SSH1: variants seen among roughly 807,000 people sequenced by gnomAD.
SSH1 encodes slingshot protein phosphatase 1.
Under a neutral mutation model 79.7 loss-of-function variants are expected in SSH1, and 43 were observed. The ratio of observed to expected loss-of-function variants is 0.54; its 90% confidence interval spans 0.42 to 0.70. The LOEUF is 0.70. Ranked by LOEUF, SSH1 falls within the 30% of genes least tolerant of loss-of-function variation. The pLI, the probability that SSH1 is intolerant of heterozygous loss-of-function variation, is 0.00. For missense variants in SSH1, 1,206 were observed against 1,358.8 expected (o/e 0.89, Z 1.77); for synonymous variants, 599 against 538.3 (o/e 1.11, Z -1.56).
chr12:108,808,328 C>T lies in SSH1; in HGVS notation c.537-501G>A, dbSNP rs185308688. Among the ~76,000 whole-genome samples the T allele has an allele frequency of 3.3e-3, 501 of 152,324 alleles. 2 individuals are homozygous for T. The highest frequency in any genetic ancestry group is 6.8e-3 in the Middle Eastern group (2 of 294). Reference sequence around the variant, plus strand: ...TGCATATAGCCTGAAACATTCAGCCCGCCAGGACACGGAGCTAGTCCTTGG... The same window carrying T: ...TGCATATAGCCTGAAACATTCAGCCTGCCAGGACACGGAGCTAGTCCTTGG... On this transcript the variant is annotated intron_variant, in intron 7 of 14. Coordinates refer to ENST00000326495, the MANE Select transcript of SSH1 (RefSeq NM_018984.4).
chr12:108,844,477 C>T (rs1280409527), intron 2 of SSH1, among the ~76,000 whole-genome samples: 1 of 152,146 alleles, frequency 6.6e-6, no homozygotes, highest in Non-Finnish European at 1.5e-5. Flanking sequence ...CCAGGCACCC[C>T]TTACCATCCC....
chr12:108,835,115 C>T (rs911442993), intron 2 of SSH1, among the ~76,000 whole-genome samples: 1 of 152,144 alleles, frequency 6.6e-6, no homozygotes, highest in African/African-American at 2.4e-5. Flanking sequence ...GAGAGCTAGG[C>T]CTATGACTTC....
At chr12:108,824,443 A>T (rs1339552129) in intron 2 of SSH1, among the ~76,000 whole-genome samples, 4 of 151,332 alleles carry the variant, frequency 2.6e-5, no homozygotes, top group Non-Finnish European at 4.4e-5. Context: ...CGACAGAGCA[A>T]GACTGTGTCT....
At chr12:108,812,055 G>T (rs968716889) in intron 5 of SSH1, among the ~76,000 whole-genome samples, 4 of 152,084 alleles carry the variant, frequency 2.6e-5, no homozygotes, top group Non-Finnish European at 5.9e-5. Flanking sequence ...TGGGGCCTCT[G>T]GGGATCACAG....
rs559585945 is a variant in SSH1 at position 108,842,724 on chromosome 12, G to A, written c.110+9914C>T. On this transcript the variant is annotated intron_variant, in intron 2 of 14. Coordinates refer to ENST00000326495, the MANE Select transcript of SSH1 (RefSeq NM_018984.4). The stretch of plus-strand genomic sequence containing the variant: ...CTCCCAGTGTGGGTTCTGATGCATA[G>A]GGAGGAGGAAAAGACAGTGCTTGGA... 5.3e-5 allele frequency among the ~76,000 whole-genome samples: 8 copies of A among 151,536 alleles called. No homozygotes were observed. In the South Asian group the frequency reaches 1.7e-3, roughly 31 times the overall value.
At position 108,807,937 on chromosome 12, in the gene SSH1, G is replaced by T; in HGVS notation, c.537-110C>A. On this transcript the variant is annotated intron_variant, in intron 7 of 14. Coordinates refer to ENST00000326495, the MANE Select transcript of SSH1 (RefSeq NM_018984.4). This position sits in a 1 kb window ranked among gnomAD's most constrained non-coding sequence, Gnocchi z 5.2. ...GGAAGGGAAGGGCAATGATTGATTG[G>T]TTGATTATTTCTTTTTGGGACAGAG... is the stretch of plus-strand genomic sequence containing the variant. 2 of 980,470 alleles carry T rather than the reference G, an allele frequency of 2.0e-6. No homozygotes were observed. The highest frequency in any genetic ancestry group is 3.1e-6 in the Non-Finnish European group (2 of 635,120). 60.7% of individuals were successfully genotyped at this position (980,470 alleles called of 1,614,324 possible).
Position 108,802,315 on chromosome 12 carries a change from G to A in SSH1, c.1001+7C>T. Reference sequence around the variant, plus strand: ...AGGACAGGGAAAGACAAGGGGAGGAGACTCACCCTGAGCCCTGCAGTTCCT... The same window carrying A: ...AGGACAGGGAAAGACAAGGGGAGGAAACTCACCCTGAGCCCTGCAGTTCCT... On this transcript the variant is annotated splice_region_variant and intron_variant, in intron 11 of 14. Coordinates refer to ENST00000326495, the MANE Select transcript of SSH1 (RefSeq NM_018984.4). The A allele has an allele frequency of 3.1e-6, 5 of 1,613,416 alleles. No individual in the cohort carries two copies. Among genetic ancestry groups the A allele is most frequent in the Non-Finnish European group, 4.2e-6 (5 of 1,179,458 alleles).
chr12:108,852,254 T>A (rs995392087), intron 2 of SSH1, among the ~76,000 whole-genome samples: 1 of 150,528 alleles, frequency 6.6e-6, no homozygotes, highest in Non-Finnish European at 1.5e-5. Context: ...TTTTTTTTTT[T>A]AAGACGGAGT....
Position 108,796,650 on chromosome 12 carries a change from A to G in SSH1, c.1349+2350T>C, listed in dbSNP as rs373355128. ...TTTGGCTATCGTGGATAATGTTGCTATAAGCACTAATGTACAAATATCTCT... is the reference window on the plus strand; with the variant it reads ...TTTGGCTATCGTGGATAATGTTGCTGTAAGCACTAATGTACAAATATCTCT... On this transcript the variant is annotated intron_variant, in intron 13 of 14. Coordinates refer to ENST00000326495, the MANE Select transcript of SSH1 (RefSeq NM_018984.4). Among the ~76,000 whole-genome samples, 20 of 152,294 alleles carry G rather than the reference A, an allele frequency of 1.3e-4. No homozygotes were observed. The East Asian group carries it at 2.3e-3, about 18-fold the overall frequency.
Position 108,807,174 on chromosome 12 carries a change from G to A in SSH1, c.731+459C>T, listed in dbSNP as rs996753730. Among the ~76,000 whole-genome samples, 3 of 152,218 alleles carry A rather than the reference G, an allele frequency of 2.0e-5. No homozygotes were observed. Among genetic ancestry groups the A allele is most frequent in the African/African-American group, 7.2e-5 (3 of 41,464 alleles). ...GGTCATGTGGTTCACCATGGCTGCT[G>A]CTAAGGCAGGCTGCCCTCACCAGTT... On this transcript the variant is annotated intron_variant, in intron 8 of 14. Coordinates refer to ENST00000326495, the MANE Select transcript of SSH1 (RefSeq NM_018984.4). This position sits in a 1 kb window ranked among gnomAD's most constrained non-coding sequence, Gnocchi z 5.2.
chr12:108,821,178 G>C (rs2038102982), intron 3 of SSH1, among the ~76,000 whole-genome samples: 1 of 151,782 alleles, frequency 6.6e-6, no homozygotes, highest in African/African-American at 2.4e-5. Context: ...CCAGGAGTTG[G>C]AGACCAGCCT....
At chr12:108,824,197 C>G (rs2038229014) in intron 2 of SSH1, among the ~76,000 whole-genome samples, 1 of 152,156 alleles carries the variant, frequency 6.6e-6, no homozygotes, top group African/African-American at 2.4e-5. Context: ...GTAATCCCAG[C>G]ATTTTGGGAG....
intron 2 of SSH1, among the ~76,000 whole-genome samples, chr12:108,832,446 C>A (rs2038497481): frequency 6.6e-6 from 1 of 152,030 alleles, no homozygotes; most frequent in South Asian, 2.1e-4. Context: ...CTGAAGAATC[C>A]ATAGGTCAGA....
intron 3 of SSH1, 146 bp downstream of exon 3, chr12:108,823,112 C>G: frequency 4.0e-6 from 3 of 758,800 alleles, no homozygotes; most frequent in Non-Finnish European, 6.8e-6. Flanking sequence ...GAGAGAGCAT[C>G]TGAGCCTCTG....
chr12:108,843,721 G>C (rs1336167145), intron 2 of SSH1, among the ~76,000 whole-genome samples: 3 of 152,086 alleles, frequency 2.0e-5, no homozygotes, highest in African/African-American at 7.2e-5. Flanking sequence ...TTTTAGCAGA[G>C]ACAGGGTTTC....
At chr12:108,811,363 G>C in intron 5 of SSH1, 35 bp from the exon 6 acceptor site, 1 of 1,603,850 alleles carries the variant, frequency 6.2e-7, no homozygotes, top group Non-Finnish European at 8.5e-7. Context: ...TGGAGTCAGC[G>C]TCTACCCACC....
chr12:108,783,486 C>T lies in SSH1; in HGVS notation c.*4502G>A, dbSNP rs775932096. ...AGGAAAAGAGGGAGGAAGCAGCTAT[C>T]TTCTCATGCAGCAAGGCCGACAGGA... On this transcript the variant is annotated 3_prime_UTR_variant, in exon 15 of 15. Coordinates refer to ENST00000326495, the MANE Select transcript of SSH1 (RefSeq NM_018984.4). The T allele has an allele frequency of 1.3e-5, 2 of 152,176 alleles. No individual in the cohort carries two copies. The highest frequency in any genetic ancestry group is 2.9e-5 in the Non-Finnish European group (2 of 68,022). 9.4% of individuals were successfully genotyped at this position (152,176 alleles called of 1,614,324 possible).
At chr12:108,844,795 G>A (rs890997940) in intron 2 of SSH1, among the ~76,000 whole-genome samples, 6 of 152,278 alleles carry the variant, frequency 3.9e-5, no homozygotes, top group Middle Eastern at 3.4e-3. Context: ...CAAGCACCAC[G>A]AATTCTCCAC....
At chr12:108,854,548 C>A (rs1370250148) in intron 1 of SSH1, among the ~76,000 whole-genome samples, 1 of 152,162 alleles carries the variant, frequency 6.6e-6, no homozygotes, top group Non-Finnish European at 1.5e-5. Flanking sequence ...GCTGTGATCC[C>A]CCGTTTCCCA....
Sources: gnomAD v4.1 joint callset for allele counts (sites outside exome capture counted in the v4.1 genomes callset) on GRCh38, gnomAD v4.1.1 for gene constraint, Gnocchi (gnomAD v3.1) non-coding constraint, MANE v1.5 for transcripts, NCBI Gene and HGNC (gene_info 2026-07-23, HGNC 2026-07-21) for gene names.